Variants in LIPI observed in about 807,000 individuals in gnomAD.
LIPI encodes lipase I, also known as lipase member I.
In LIPI, 59 loss-of-function variants were observed where a neutral mutation model predicts 50.6. The observed-to-expected ratio is 1.16, with a 90% CI of 0.94 to 1.45. The LOEUF is 1.45. LIPI is among the 40% of genes most tolerant of loss of function. The pLI, the probability that LIPI is intolerant of heterozygous loss-of-function variation, is 0.00. For synonymous variants in LIPI, 203 were observed against 178.2 expected (o/e 1.14, Z -1.11); for missense variants, 586 against 536.3 (o/e 1.09, Z -0.92).
rs544034367 is a variant in LIPI at position 14,161,583 on chromosome 21, T to A, written c.1006+1836A>T. 3.0e-3 allele frequency among the ~76,000 whole-genome samples: 351 copies of A among 116,324 alleles called. 14 individuals carry two copies. Among genetic ancestry groups the A allele is most frequent in the African/African-American group, 0.013 (341 of 27,106 alleles). 76.3% of individuals were successfully genotyped at this position (116,324 alleles called of 152,430 possible). ...TATTATATCTATTATATATATAATATATATCTATATAATATATTAATATAT... is the reference window on the plus strand; with the variant it reads ...TATTATATCTATTATATATATAATAAATATCTATATAATATATTAATATAT... On this transcript the variant is annotated intron_variant, in intron 7 of 9. Transcript: ENST00000681601.
chr21:14,181,814 C>A lies in LIPI; in HGVS notation c.587G>T (p.Ser196Ile), dbSNP rs760462760. The A allele has an allele frequency of 3.7e-6, 6 of 1,612,654 alleles. No homozygotes were observed. In the South Asian group the frequency reaches 6.6e-5, roughly 18 times the overall value. Residue 196 changes from serine to isoleucine, a missense_variant, in exon 4 of 10, where the codon AGC (serine) becomes ATC (isoleucine). Coordinates refer to ENST00000681601, the MANE Select transcript of LIPI (RefSeq NM_001302998.2). ...GPRFSRKPPY[S>I]RLDYTDAKFV... The stretch of plus-strand genomic sequence containing the variant: ...CTTTGCATCCGTGTAATCTAATCTG[C>A]TATATGGTGGTTTTCTGGAGAACCT...
At position 14,165,207 on chromosome 21, in the gene LIPI, T is replaced by C. The variant is rs1282475144; in HGVS notation, c.901+16A>G. 1.3e-6 allele frequency: 2 copies of C among 1,564,736 alleles called. No homozygotes were observed. The highest frequency in any genetic ancestry group is 1.8e-6 in the Non-Finnish European group (2 of 1,136,350). ...TATTAAATAAGAATGATAGTAACTATAATAATCTCTCTTACCCAGCCGAGG... is the reference window on the plus strand; with the variant it reads ...TATTAAATAAGAATGATAGTAACTACAATAATCTCTCTTACCCAGCCGAGG... On this transcript the variant is annotated intron_variant, in intron 6 of 9. Coordinates refer to ENST00000681601, the MANE Select transcript of LIPI (RefSeq NM_001302998.2).
intron 3 of LIPI, among the ~76,000 whole-genome samples, chr21:14,182,986 T>A (rs993425172): frequency 1.3e-5 from 2 of 152,124 alleles, no homozygotes; most frequent in Non-Finnish European, 2.9e-5. Flanking sequence ...TTAAAGTTCA[T>A]ATGGAACCAA....
intron 8 of LIPI, among the ~76,000 whole-genome samples, chr21:14,150,905 T>C (rs2018067116): frequency 6.6e-6 from 1 of 152,198 alleles, no homozygotes; most frequent in Non-Finnish European, 1.5e-5. Context: ...GGATAATTGT[T>C]ACTCTTTCAC....
At position 14,189,349 on chromosome 21, in the gene LIPI, C is replaced by A. The variant is rs764110158; in HGVS notation, c.117G>T (p.Pro39=). ...VKDSFRDLFI[P]RIETILMMYT... ...ACATCATCAGAATGGTCTCTATTCT[C>A]GGAATAAATAAATCTCTGAAGGAAT... is the stretch of plus-strand genomic sequence containing the variant. Residue 39 remains proline, a synonymous_variant, in exon 2 of 10, where the codon CCG becomes CCT. Coordinates refer to ENST00000681601, the MANE Select transcript of LIPI (RefSeq NM_001302998.2). The A allele has an allele frequency of 1.1e-5, 18 of 1,611,308 alleles. No homozygotes were observed. In the Admixed American group the frequency reaches 2.2e-4, roughly 19 times the overall value.
At chr21:14,146,770 C>CTTTT (rs1308738575) in intron 8 of LIPI, among the ~76,000 whole-genome samples, 11 of 64,862 alleles carry the variant, frequency 1.7e-4, no homozygotes, top group African/African-American at 4.3e-4. Context: ...TTCCCAGTCT[C>CTTTT]TATTTTTTTT....
At chr21:14,191,375 TCAA>T (rs2019670001) in intron 1 of LIPI, among the ~76,000 whole-genome samples, 1 of 60,602 alleles carries the variant, frequency 1.7e-5, no homozygotes, top group Non-Finnish European at 3.2e-5. Context: ...AGACTCCGTC[TCAA>T]AAAAAAAAAA....
At chr21:14,190,876 C>A (rs2019646318) in intron 1 of LIPI, among the ~76,000 whole-genome samples, 2 of 152,150 alleles carry the variant, frequency 1.3e-5, no homozygotes, top group Admixed American at 1.3e-4. Context: ...ATCCAAAGTG[C>A]TGGTCCACTC....
chr21:14,124,936 G>A (rs56337324), intron 9 of LIPI, among the ~76,000 whole-genome samples: 1,798 of 152,030 alleles, frequency 0.012, 31 homozygotes, highest in African/African-American at 0.041. Context: ...TGGAGGTTGC[G>A]GTGAGCCAAG....
intron 9 of LIPI, among the ~76,000 whole-genome samples, chr21:14,128,950 G>A (rs1017452975): frequency 6.6e-6 from 1 of 152,054 alleles, no homozygotes; most frequent in African/African-American, 2.4e-5. Context: ...AGTGAATAAA[G>A]AGTTTGAACA....
intron 1 of LIPI, among the ~76,000 whole-genome samples, chr21:14,192,539 T>C (rs1458748733): frequency 6.6e-6 from 1 of 152,116 alleles, no homozygotes. Flanking sequence ...ACTAATGTAT[T>C]GTCAAACTCT....
At chr21:14,117,000 T>C (rs1346385750) in intron 9 of LIPI, among the ~76,000 whole-genome samples, 19 of 152,048 alleles carry the variant, frequency 1.2e-4, no homozygotes, top group Non-Finnish European at 2.8e-4. Context: ...AGGGTTGGAC[T>C]CAGAGGAGAG....
intron 9 of LIPI, among the ~76,000 whole-genome samples, chr21:14,132,331 A>G (rs930695808): frequency 2.0e-5 from 3 of 152,166 alleles, no homozygotes; most frequent in Admixed American, 6.5e-5. Flanking sequence ...CTAGTCACCT[A>G]TAAAGGAAGC....
At chr21:14,161,536 C>A (rs11909202) in intron 7 of LIPI, among the ~76,000 whole-genome samples, 101,444 of 118,624 alleles carry the variant, frequency 0.86, 43,716 homozygotes, top group East Asian at 0.97. Flanking sequence ...GATATAATAT[C>A]CATATCTATT....
In LIPI at chr21:14,189,298, A is replaced by G. The variant is rs750091502; in HGVS notation, c.168T>C (p.Ala56=). Residue 56 remains alanine, a synonymous_variant, in exon 2 of 10, where the codon GCT becomes GCC. Transcript: ENST00000681601. ...MMYTRNNLNC[A]EPLFEQNNSL... ...AGTTATTTTGTTCAAACAGTGGCTC[A>G]GCACAGTTTAGGTTGTTCCTTGTAT... 1.2e-6 allele frequency: 2 copies of G among 1,613,836 alleles called. No homozygotes were observed. Among genetic ancestry groups the G allele is most frequent in the South Asian group, 2.2e-5 (2 of 91,072 alleles).
intron 6 of LIPI, among the ~76,000 whole-genome samples, chr21:14,164,009 T>C (rs1414482631): frequency 6.6e-6 from 1 of 150,590 alleles, no homozygotes; most frequent in African/African-American, 2.4e-5. Flanking sequence ...ACTTTACATG[T>C]ACTGTATGTT....
chr21:14,176,206 T>C (rs9305244), intron 4 of LIPI, among the ~76,000 whole-genome samples: 5,012 of 151,342 alleles, frequency 0.033, 290 homozygotes, highest in African/African-American at 0.11. Context: ...GCAAAAGTGA[T>C]ATAAATAAAT....
intron 7 of LIPI, among the ~76,000 whole-genome samples, chr21:14,161,672 T>C (rs1212581232): frequency 4.2e-4 from 45 of 107,088 alleles, no homozygotes; most frequent in African/African-American, 1.6e-3. Flanking sequence ...GTATAATATA[T>C]ACATTATTAT....
chr21:14,193,893 GATTA>G (rs970654699), intron 1 of LIPI, among the ~76,000 whole-genome samples: 27 of 152,106 alleles, frequency 1.8e-4, no homozygotes, highest in East Asian at 7.7e-4. Flanking sequence ...ATCTGATATG[GATTA>G]ATTAATTAAT....
Sources: gnomAD v4.1 joint callset for allele counts (sites outside exome capture counted in the v4.1 genomes callset) on GRCh38, gnomAD v4.1.1 for gene constraint, MANE v1.5 for transcripts, NCBI Gene and HGNC (gene_info 2026-07-23, HGNC 2026-07-21) for gene names.